Variants in ASXL3 observed in about 807,000 individuals in gnomAD.
ASXL3 encodes putative Polycomb group protein ASXL3.
A neutral mutation model predicts 170.6 loss-of-function variants in ASXL3; 34 were observed. The ratio of observed to expected loss-of-function variants is 0.20; its 90% CI spans 0.15 to 0.27. ASXL3 has a LOEUF of 0.27. Ranked by LOEUF, ASXL3 falls within the 10% of genes least tolerant of loss-of-function variation. The probability of loss-of-function intolerance (pLI) is 1.00; values close to 1 mark genes in which losing one functional copy is unlikely to be tolerated. For missense variants in ASXL3, 2,592 were observed against 2,695.3 expected (o/e 0.96, Z 0.85); for synonymous variants, 1,002 against 989.1 (o/e 1.01, Z -0.24).
At chr18:33,740,489 C>T (rs2067645335) in intron 11 of ASXL3, 46 bp downstream of exon 11, 1 of 1,451,958 alleles carries the variant, frequency 6.9e-7, no homozygotes, top group East Asian at 2.4e-5. Flanking sequence ...ATAGGCTTTT[C>T]CTATTTAGAA....
intron 7 of ASXL3, among the ~76,000 whole-genome samples, chr18:33,672,830 T>G (rs1253335806): frequency 6.6e-6 from 1 of 152,176 alleles, no homozygotes; most frequent in Admixed American, 6.5e-5. Flanking sequence ...ATGACAGACA[T>G]TTTGCTAAAT....
In ASXL3 at chr18:33,745,153, T is replaced by G. The variant is rs928604834; in HGVS notation, c.5305T>G (p.Leu1769Val). ...GGAAAAAGTGTTGCCACAGCCCAGA[T>G]TGGGAGCCAAGCTTGAAATCAACAG... ...PLEKVLPQPRLGAKLEINRLP... is the reference protein window; with the variant it reads ...PLEKVLPQPRVGAKLEINRLP... The change falls in exon 12 of 12, where the codon TTG becomes GTG. Residue 1769 changes from leucine to valine, a missense_variant. This residue lies in a region of ASXL3 where 2,246 missense variants were observed against 2,219.6 expected (regional missense o/e 1.01). Coordinates refer to ENST00000269197, the MANE Select transcript of ASXL3 (RefSeq NM_030632.3). 1 of 1,613,860 alleles carries G rather than the reference T, an allele frequency of 6.2e-7. No individual in the cohort carries two copies. Among genetic ancestry groups the G allele is most frequent in the South Asian group, 1.1e-5 (1 of 91,082 alleles).
chr18:33,618,039 T>G (rs1332061406), intron 2 of ASXL3, among the ~76,000 whole-genome samples: 1 of 152,182 alleles, frequency 6.6e-6, no homozygotes, highest in Non-Finnish European at 1.5e-5. Flanking sequence ...GACAACATAA[T>G]TCAAATGCAG....
chr18:33,723,906 G>A (rs1050218980), intron 8 of ASXL3, among the ~76,000 whole-genome samples: 3 of 152,016 alleles, frequency 2.0e-5, no homozygotes, highest in African/African-American at 2.4e-5. Flanking sequence ...AAGACCCTCC[G>A]TCAGCAAAAA....
Position 33,644,990 on chromosome 18 carries a change from C to A in ASXL3, c.234C>A (p.Leu78=). 6.5e-7 allele frequency: 1 copy of A among 1,550,044 alleles called. No homozygotes were observed. Residue 78 remains leucine, a synonymous_variant, in exon 3 of 12, where the codon CTC becomes CTA. Transcript: ENST00000269197. ...TCAAAATCCCTGGAAAGTCAGGCCT[C>A]TATGCTCTCAAAGTAAGTTGCATTG... The part of the protein sequence containing the change: ...TFFKIPGKSG[L]YALKKEESSC...
Position 33,747,312 on chromosome 18 carries a change from C to G in ASXL3, c.*717C>G, listed in dbSNP as rs690544. 1 of 151,250 alleles carries G rather than the reference C, an allele frequency of 6.6e-6. No individual in the cohort carries two copies. Among genetic ancestry groups the G allele is most frequent in the Non-Finnish European group, 1.5e-5 (1 of 67,940 alleles). The allele number at this position is 151,250 out of a possible 1,614,324, so 9.4% of individuals were successfully genotyped here. ...GGGACTCATGCCCAGCAATCTGGTT[C>G]TAGGCCTTTGACACCTGATAATATG... On this transcript the variant is annotated 3_prime_UTR_variant, in exon 12 of 12. Transcript: ENST00000269197.
At chr18:33,584,602 G>T (rs1194195656) in intron 1 of ASXL3, among the ~76,000 whole-genome samples, 2 of 151,880 alleles carry the variant, frequency 1.3e-5, no homozygotes, top group Non-Finnish European at 2.9e-5. Flanking sequence ...TCTGTCTCAT[G>T]TTCTTTACCA....
At chr18:33,710,572 C>A (rs1314586520) in intron 8 of ASXL3, among the ~76,000 whole-genome samples, 3 of 152,102 alleles carry the variant, frequency 2.0e-5, no homozygotes, top group Non-Finnish European at 4.4e-5. Flanking sequence ...TAGACCATTT[C>A]TTTTTATCTT....
chr18:33,733,370 A>G (rs541442717), intron 9 of ASXL3, among the ~76,000 whole-genome samples: 15 of 152,250 alleles, frequency 9.9e-5, no homozygotes, highest in African/African-American at 3.6e-4. Context: ...AACTGTCCTC[A>G]TAGTTCCTCA....
intron 1 of ASXL3, among the ~76,000 whole-genome samples, chr18:33,604,036 G>A (rs1176428486): frequency 6.6e-6 from 1 of 151,958 alleles, no homozygotes; most frequent in Non-Finnish European, 1.5e-5. Context: ...TTGAGGAAAT[G>A]AATTGTAAAG....
At chr18:33,662,656 A>G (rs1230303541) in intron 5 of ASXL3, among the ~76,000 whole-genome samples, 1 of 152,142 alleles carries the variant, frequency 6.6e-6, no homozygotes, top group Non-Finnish European at 1.5e-5. Context: ...CTGAATTCAT[A>G]GTTTCCCCTT....
intron 7 of ASXL3, among the ~76,000 whole-genome samples, chr18:33,677,263 AAAGTTTGAAT>A (rs1470381938): frequency 6.6e-6 from 1 of 152,216 alleles, no homozygotes; most frequent in African/African-American, 2.4e-5. Flanking sequence ...ATATAAAAAT[AAAGTTTGAAT>A]AATAACCCCA....
Position 33,739,022 on chromosome 18 carries a change from T to G in ASXL3, c.1618T>G (p.Cys540Gly). The change falls in exon 11 of 12, where the codon TGT becomes GGT. Residue 540 changes from cysteine (C) to glycine (G), a missense_variant. Cys to Gly is a radical substitution (Grantham distance 159). Transcript: ENST00000269197. ...MTVVIDQLEV[C>G]DSLIPSTSSM... The stretch of plus-strand genomic sequence containing the variant: ...AGTTGTTATCGATCAGTTAGAAGTC[T>G]GTGACTCTCTTATTCCTTCCACTTC... 1 of 1,613,612 alleles carries G rather than the reference T, an allele frequency of 6.2e-7. No homozygotes were observed. Among genetic ancestry groups the G allele is most frequent in the Non-Finnish European group, 8.5e-7 (1 of 1,179,708 alleles).
rs1195375418 is a variant in ASXL3 at position 33,713,233 on chromosome 18, TTTTTGTTTTGTTTTG to T, written c.880-18730_880-18716del. The stretch of plus-strand genomic sequence containing the variant: ...TTAGCAATCTACCACAAGAAGGTTT[TTTTTGTTTTGTTTTG>T]TTTTTTTTTTTTTTTTTTTTTTTTT... On this transcript the variant is annotated intron_variant, in intron 8 of 11. Coordinates refer to ENST00000269197, the MANE Select transcript of ASXL3 (RefSeq NM_030632.3). Among the ~76,000 whole-genome samples, 37 of 74,846 alleles carry T rather than the reference TTTTTGTTTTGTTTTG, an allele frequency of 4.9e-4. 4 individuals carry two copies. Among genetic ancestry groups the T allele is most frequent in the African/African-American group, 1.4e-3 (19 of 13,104 alleles). The allele number at this position is 74,846 out of a possible 152,430, so 49.1% of individuals were successfully genotyped here. A position where few individuals can be genotyped will look rare whatever the true frequency, so the allele number is the denominator to read the frequency against.
intron 8 of ASXL3, among the ~76,000 whole-genome samples, chr18:33,724,099 A>G (rs929141764): frequency 5.3e-5 from 8 of 152,124 alleles, no homozygotes; most frequent in Non-Finnish European, 1.2e-4. Flanking sequence ...TTTTTGCAAC[A>G]TTCACTTTAT....
At chr18:33,740,978 ATAT>A (rs1297704597) in intron 11 of ASXL3, among the ~76,000 whole-genome samples, 2 of 152,174 alleles carry the variant, frequency 1.3e-5, no homozygotes, top group African/African-American at 4.8e-5. Context: ...TAAATTAAAA[ATAT>A]TATGCTTTAT....
chr18:33,629,234 A>G (rs1568289175), intron 2 of ASXL3, among the ~76,000 whole-genome samples: 2 of 152,154 alleles, frequency 1.3e-5, no homozygotes, highest in Non-Finnish European at 2.9e-5. Context: ...ACTTAGCTTT[A>G]GTGAGATATT....
At chr18:33,643,337 C>T (rs1413977203) in intron 2 of ASXL3, among the ~76,000 whole-genome samples, 2 of 151,668 alleles carry the variant, frequency 1.3e-5, no homozygotes, top group Admixed American at 6.6e-5. Flanking sequence ...TCTCCAAATA[C>T]GAGAAAAATA....
intron 8 of ASXL3, among the ~76,000 whole-genome samples, chr18:33,725,078 C>T (rs987288671): frequency 6.6e-5 from 10 of 152,164 alleles, no homozygotes; most frequent in African/African-American, 2.2e-4. Context: ...AATACTCTGG[C>T]TTTTATTCGT....
Sources: gnomAD v4.1 joint callset for allele counts (sites outside exome capture counted in the v4.1 genomes callset) on GRCh38, gnomAD v4.1.1 for gene constraint, gnomAD v4.1.1 regional missense constraint, MANE v1.5 for transcripts, NCBI Gene and HGNC (gene_info 2026-07-23, HGNC 2026-07-21) for gene names.